Variants in ZMIZ1 observed in about 807,000 individuals in gnomAD.
ZMIZ1 encodes the protein zinc finger MIZ domain-containing protein 1.
ZMIZ1 carries 17 observed loss-of-function variants against 113.9 expected under a neutral mutation model. That is an observed-to-expected ratio of 0.15 (90% confidence interval 0.10 to 0.22). The LOEUF is 0.22. ZMIZ1 is among the 10% of genes least tolerant of loss of function. ZMIZ1 has a pLI of 1.00. For synonymous variants in ZMIZ1, 607 were observed against 603.1 expected (o/e 1.01, Z -0.09); for missense variants, 1,059 against 1,477.8 (o/e 0.72, Z 4.65).
intron 7 of ZMIZ1, among the ~76,000 whole-genome samples, chr10:79,264,375 T>C (rs2131917203): frequency 6.6e-6 from 1 of 152,322 alleles, no homozygotes; most frequent in African/African-American, 2.4e-5. Flanking sequence ...CTCAATCTAT[T>C]GCTGGGGGAG....
chr10:79,105,497 A>C (rs1218812391), intron 1 of ZMIZ1, among the ~76,000 whole-genome samples: 2 of 152,214 alleles, frequency 1.3e-5, no homozygotes, highest in Non-Finnish European at 2.9e-5. Context: ...GACCGTTGGC[A>C]TTCAGGAGTT....
At chr10:79,177,391 G>A (rs1451675276) in intron 4 of ZMIZ1, among the ~76,000 whole-genome samples, 1 of 152,238 alleles carries the variant, frequency 6.6e-6, no homozygotes, top group Non-Finnish European at 1.5e-5. Flanking sequence ...GCCCCAGACA[G>A]CACCCCTCTA....
chr10:79,224,505 G>A (rs962890363), intron 7 of ZMIZ1, among the ~76,000 whole-genome samples: 1 of 152,076 alleles, frequency 6.6e-6, no homozygotes, highest in African/African-American at 2.4e-5. Context: ...CCTACAGAGC[G>A]GGGGTGTACA....
chr10:79,226,857 C>T (rs1257524185), intron 7 of ZMIZ1, among the ~76,000 whole-genome samples: 2 of 152,158 alleles, frequency 1.3e-5, no homozygotes, highest in African/African-American at 4.8e-5. Context: ...CAGGACAGGT[C>T]AGGGAAGGGC....
chr10:79,262,691 G>A (rs918490696), intron 7 of ZMIZ1, among the ~76,000 whole-genome samples: 6 of 152,186 alleles, frequency 3.9e-5, no homozygotes, highest in South Asian at 2.1e-4. Context: ...CTTGAACGGC[G>A]TGTGCTTGTG....
chr10:79,284,801 C>T (rs1250570), intron 8 of ZMIZ1, among the ~76,000 whole-genome samples: 152,317 of 152,320 alleles, frequency 1, 76,157 homozygotes, highest in Non-Finnish European at 1. Context: ...CCTGCTGGGC[C>T]TCCCTCTGTC....
At chr10:79,270,480 C>T (rs4979857) in intron 7 of ZMIZ1, among the ~76,000 whole-genome samples, 33,664 of 152,130 alleles carry the variant, frequency 0.22, 5,353 homozygotes, top group African/African-American at 0.45. Context: ...AAGATACCAG[C>T]CCTGGTCGCA....
chr10:79,216,885 G>A (rs1226303332), intron 7 of ZMIZ1, among the ~76,000 whole-genome samples: 3 of 152,228 alleles, frequency 2.0e-5, no homozygotes, highest in African/African-American at 7.2e-5. Context: ...GTAAGCAGGG[G>A]CCATGGAGAG....
intron 2 of ZMIZ1, among the ~76,000 whole-genome samples, chr10:79,134,079 G>A (rs1844888904): frequency 6.6e-6 from 1 of 152,096 alleles, no homozygotes; most frequent in African/African-American, 2.4e-5. Flanking sequence ...TTTGTACCCC[G>A]GACACCACTT....
At chr10:79,272,294 G>GA (rs1253765844) in intron 7 of ZMIZ1, among the ~76,000 whole-genome samples, 3 of 151,526 alleles carry the variant, frequency 2.0e-5, no homozygotes, top group Non-Finnish European at 2.9e-5. Flanking sequence ...AAAAAAAAAA[G>GA]AAAAAAAATA....
At chr10:79,164,481 G>C (rs1474863276) in intron 4 of ZMIZ1, among the ~76,000 whole-genome samples, 1 of 152,126 alleles carries the variant, frequency 6.6e-6, no homozygotes, top group Non-Finnish European at 1.5e-5. Context: ...TGAAGGAGGT[G>C]GTACTGGCTA....
intron 4 of ZMIZ1, among the ~76,000 whole-genome samples, chr10:79,175,375 C>A (rs1419173180): frequency 1.3e-5 from 2 of 152,182 alleles, no homozygotes; most frequent in African/African-American, 4.8e-5. Flanking sequence ...CGTGATCATG[C>A]CTGTATTTCC....
In ZMIZ1 at chr10:79,200,147, T is replaced by C. The variant is rs1228773191; in HGVS notation, c.-49-1437T>C. 2.0e-5 allele frequency among the ~76,000 whole-genome samples: 3 copies of C among 152,140 alleles called. No homozygotes were observed. In the East Asian group the frequency reaches 5.8e-4, roughly 29 times the overall value. On this transcript the variant is annotated intron_variant, in intron 4 of 24. Coordinates refer to ENST00000334512, the MANE Select transcript of ZMIZ1 (RefSeq NM_020338.4). Reference sequence around the variant, plus strand: ...ATGGCCAGAGATGAGGGGTCTTTAGTGGGGAGTGCGACAGAGTAGCAGGGA... The same window carrying C: ...ATGGCCAGAGATGAGGGGTCTTTAGCGGGGAGTGCGACAGAGTAGCAGGGA...
rs750855424 is a variant in ZMIZ1, at chr10:79,307,414, A to G, written c.2678A>G (p.Tyr893Cys). Residue 893 changes from tyrosine (Y) to cysteine (C), a missense_variant, in exon 23 of 25, where the codon TAC becomes TGC. Physicochemically the swap from Tyr to Cys is radical, Grantham distance 194 (BLOSUM62 -2). Coordinates refer to ENST00000334512, the MANE Select transcript of ZMIZ1 (RefSeq NM_020338.4). Reference protein sequence around the residue: ...SNDYSSQGNNYQGHGNFDFPH... With the variant: ...SNDYSSQGNNCQGHGNFDFPH... ...TCTCATCCCTTCCTAGGCAACAACT[A>G]CCAAGGCCATGGCAACTTTGACTTC... The G allele has an allele frequency of 2.5e-6, 4 of 1,605,732 alleles. No individual in the cohort carries two copies. Among genetic ancestry groups the G allele is most frequent in the Non-Finnish European group, 3.4e-6 (4 of 1,176,404 alleles).
chr10:79,221,258 G>A (rs1312433744), intron 7 of ZMIZ1, among the ~76,000 whole-genome samples: 2 of 152,162 alleles, frequency 1.3e-5, no homozygotes, highest in East Asian at 3.9e-4. Flanking sequence ...GTGCATGTGC[G>A]TGCATGCATG....
intron 2 of ZMIZ1, among the ~76,000 whole-genome samples, chr10:79,125,840 C>T (rs916050432): frequency 1.3e-5 from 2 of 152,210 alleles, no homozygotes; most frequent in Admixed American, 1.3e-4. Flanking sequence ...GGAGGGCATG[C>T]CCCAAGGTAG....
intron 1 of ZMIZ1, among the ~76,000 whole-genome samples, chr10:79,083,897 C>T (rs1212328380): frequency 6.6e-6 from 1 of 152,184 alleles, no homozygotes; most frequent in Non-Finnish European, 1.5e-5. Flanking sequence ...CTCAGCCACT[C>T]TGTCATAAGG....
chr10:79,296,216 T>C lies in ZMIZ1; in HGVS notation c.1231-255T>C, dbSNP rs1853881231. ...GTGTGAGCAAGAGGCTCTGAAAGTG[T>C]CCCTGGAGTTCAGGGGCACATGTGC... On this transcript the variant is annotated intron_variant, in intron 12 of 24. Coordinates refer to ENST00000334512, the MANE Select transcript of ZMIZ1 (RefSeq NM_020338.4). This position sits in a 1 kb window ranked among gnomAD's most constrained non-coding sequence, Gnocchi z 4.1. 3.6e-6 allele frequency: 2 copies of C among 555,938 alleles called. No homozygotes were observed. The highest frequency in any genetic ancestry group is 6.4e-6 in the Non-Finnish European group (2 of 310,720). 34.4% of individuals were successfully genotyped at this position (555,938 alleles called of 1,614,324 possible). A position where few individuals can be genotyped will look rare whatever the true frequency, so the allele number is the denominator to read the frequency against.
intron 1 of ZMIZ1, among the ~76,000 whole-genome samples, chr10:79,074,448 T>C (rs1243157263): frequency 6.6e-6 from 1 of 152,198 alleles, no homozygotes; most frequent in East Asian, 1.9e-4. Flanking sequence ...TGTGTCCCTT[T>C]CTTTTGGCAC....
Sources: gnomAD v4.1 joint callset for allele counts (sites outside exome capture counted in the v4.1 genomes callset) on GRCh38, gnomAD v4.1.1 for gene constraint, Gnocchi (gnomAD v3.1) non-coding constraint, MANE v1.5 for transcripts, NCBI Gene and HGNC (gene_info 2026-07-23, HGNC 2026-07-21) for gene names.